Variants in FHDC1 observed in about 807,000 individuals in gnomAD.
FHDC1 encodes the protein FH2 domain containing 1, also known as FH2 domain-containing protein 1.
FHDC1 carries 25 observed loss-of-function variants against 52.6 expected under a neutral mutation model. The observed-to-expected ratio is 0.48, with a 90% CI of 0.35 to 0.66. FHDC1 has a LOEUF of 0.66. Among genes scored for constraint, FHDC1 ranks in the 30% least tolerant of loss-of-function variants. FHDC1 has a pLI of 0.01. For synonymous variants in FHDC1, 616 were observed against 581.5 expected, an observed-to-expected ratio of 1.06 and a Z score of -0.85; for missense variants, 1,459 against 1,452.8, an observed-to-expected ratio of 1.00 and a Z score of -0.07.
chr4:152,945,429 A>G (rs1739701026), intron 2 of FHDC1, among the ~76,000 whole-genome samples: 3 of 152,216 alleles, frequency 2.0e-5, no homozygotes, highest in African/African-American at 7.2e-5. Context: ...GAAATAACAT[A>G]TAAAATTTAG....
At chr4:152,949,157 G>GC (rs1739844657) in intron 2 of FHDC1, among the ~76,000 whole-genome samples, 2 of 150,118 alleles carry the variant, frequency 1.3e-5, no homozygotes, top group African/African-American at 4.9e-5. Context: ...AGAAGAAGAA[G>GC]AAGAAGAAGA....
intron 6 of FHDC1, among the ~76,000 whole-genome samples, chr4:152,961,625 C>T (rs1370236468): frequency 2.6e-5 from 4 of 152,132 alleles, no homozygotes; most frequent in African/African-American, 4.8e-5. Context: ...TTTCAGCATG[C>T]GTCAGTGCCA....
Position 152,974,854 on chromosome 4 carries a change from C to T in FHDC1, c.1563C>T (p.Pro521=). 1 of 1,605,436 alleles carries T rather than the reference C, an allele frequency of 6.2e-7. No individual in the cohort carries two copies. Among genetic ancestry groups the T allele is most frequent in the South Asian group, 1.1e-5 (1 of 90,286 alleles). The stretch of plus-strand genomic sequence containing the variant: ...AGGGCCTGCTCCCTTTCCTGCACCC[C>T]AGGCCCATCAGCCCCTCCAGCCCCT... ...GAEGLLPFLH[P]RPISPSSPSY... is the part of the protein sequence containing the mutation. The change falls in exon 12 of 12, where the codon CCC becomes CCT. Residue 521 remains proline (P), a synonymous_variant. Coordinates refer to ENST00000511601, the MANE Select transcript of FHDC1 (RefSeq NM_001371116.1).
chr4:152,931,543 A>G (rs955563113), upstream of FHDC1, among the ~76,000 whole-genome samples: 1 of 151,632 alleles, frequency 6.6e-6, no homozygotes, highest in Non-Finnish European at 1.5e-5. Flanking sequence ...CTCTAAGGAA[A>G]TACAGTATAG....
At chr4:152,963,219 C>A in intron 8 of FHDC1, 89 bp downstream of exon 8, 3 of 1,172,432 alleles carry the variant, frequency 2.6e-6, no homozygotes, top group South Asian at 1.3e-5. Context: ...TGGTGTCCAG[C>A]AGGGTTAGGA....
intron 2 of FHDC1, among the ~76,000 whole-genome samples, chr4:152,945,792 A>G (rs545532466): frequency 6.6e-6 from 1 of 152,286 alleles, no homozygotes; most frequent in African/African-American, 2.4e-5. Flanking sequence ...CATTAAGTAC[A>G]TCCACATTGT....
At chr4:152,941,949 C>A (rs1469223272) in intron 1 of FHDC1, among the ~76,000 whole-genome samples, 4 of 152,144 alleles carry the variant, frequency 2.6e-5, no homozygotes, top group African/African-American at 9.7e-5. Flanking sequence ...CTTACCTGTT[C>A]TCGTATCTGA....
chr4:152,927,559 T>C, the FHDC1 span: 5 of 1,558,074 alleles, frequency 3.2e-6, no homozygotes, highest in East Asian at 1.1e-4. Context: ...TTCGAAAACC[T>C]GAAGATTCAG....
In FHDC1 at chr4:152,977,179, C is replaced by G. The variant is rs1740925020; in HGVS notation, c.*456C>G. The G allele has an allele frequency of 6.6e-6, 1 of 152,658 alleles. No individual in the cohort carries two copies. The highest frequency in any genetic ancestry group is 2.1e-4 in the South Asian group (1 of 4,848). The allele number at this position is 152,658 out of a possible 1,614,324, so 9.5% of individuals were successfully genotyped here. A position where few individuals can be genotyped will look rare whatever the true frequency, so the allele number is the denominator to read the frequency against. On this transcript the variant is annotated 3_prime_UTR_variant, in exon 12 of 12. Transcript: ENST00000511601. ...GGCTAAGATGAGTGGATTGCTTGAG[C>G]CTAGGAGTTCGAGACCAGCCTAGGC...
chr4:152,911,423 G>T, the FHDC1 span: 1 of 152,348 alleles, frequency 6.6e-6, no homozygotes, highest in Admixed American at 6.5e-5. Context: ...GAAGAAAGAG[G>T]ATTGGAAAGG....
chr4:152,917,926 A>G, the FHDC1 span, among the ~76,000 whole-genome samples: 2 of 152,228 alleles, frequency 1.3e-5, no homozygotes, highest in Non-Finnish European at 2.9e-5. Context: ...TAAAATGAGG[A>G]AAAAAATTCG....
chr4:152,933,142 G>A (rs892480865), upstream of FHDC1, among the ~76,000 whole-genome samples: 2 of 152,278 alleles, frequency 1.3e-5, no homozygotes, highest in East Asian at 3.9e-4. Flanking sequence ...TGGTCACACT[G>A]CCCACTGCTC....
chr4:152,923,228 AG>A, the FHDC1 span, among the ~76,000 whole-genome samples: 2 of 152,196 alleles, frequency 1.3e-5, no homozygotes, highest in Non-Finnish European at 2.9e-5. Context: ...ACAAACAGAG[AG>A]CCAAATCATG....
At chr4:152,914,834 C>T in the FHDC1 span, among the ~76,000 whole-genome samples, 1 of 152,052 alleles carries the variant, frequency 6.6e-6, no homozygotes, top group Non-Finnish European at 1.5e-5. Flanking sequence ...ATATACCTCT[C>T]ACTACATCTT....
rs778852473 is a variant in FHDC1, at chr4:152,975,261, C to T, written c.1970C>T (p.Ser657Leu). The change falls in exon 12 of 12, where the codon TCA (serine) becomes TTA (leucine). Residue 657 changes from serine to leucine, a missense_variant. This residue lies in a region of FHDC1 where 939 missense variants were observed against 854.5 expected (regional missense o/e 1.10). Coordinates refer to ENST00000511601, the MANE Select transcript of FHDC1 (RefSeq NM_001371116.1). ...KRYSEPVSLGSAQSPPLSPLA... is the reference protein window; with the variant it reads ...KRYSEPVSLGLAQSPPLSPLA... ...TACAGTGAGCCGGTGAGCCTGGGCTCAGCACAGTCCCCTCCTCTCTCGCCA... is the reference window on the plus strand; with the variant it reads ...TACAGTGAGCCGGTGAGCCTGGGCTTAGCACAGTCCCCTCCTCTCTCGCCA... 6.2e-7 allele frequency: 1 copy of T among 1,613,514 alleles called. No individual in the cohort carries two copies. Among genetic ancestry groups the T allele is most frequent in the Non-Finnish European group, 8.5e-7 (1 of 1,180,048 alleles).
chr4:152,931,493 C>T (rs2149929054), upstream of FHDC1, among the ~76,000 whole-genome samples: 1 of 147,864 alleles, frequency 6.8e-6, no homozygotes. Context: ...CACACACACA[C>T]ACACACACAC....
chr4:152,951,637 A>G (rs1430074787), intron 2 of FHDC1, among the ~76,000 whole-genome samples: 1 of 152,106 alleles, frequency 6.6e-6, no homozygotes, highest in African/African-American at 2.4e-5. Flanking sequence ...TCAGAAGCAG[A>G]CCCAGAGATC....
chr4:152,944,766 A>G (rs1312244284), intron 2 of FHDC1, among the ~76,000 whole-genome samples: 2 of 152,176 alleles, frequency 1.3e-5, no homozygotes, highest in East Asian at 3.9e-4. Flanking sequence ...CTTCATGAGA[A>G]CCCTTAGTGC....
chr4:152,939,031 ACT>A (rs753711953), intron 1 of FHDC1, among the ~76,000 whole-genome samples: 1 of 151,528 alleles, frequency 6.6e-6, no homozygotes, highest in Non-Finnish European at 1.5e-5. Context: ...AAGCCTATAT[ACT>A]CTTTTTTCTT....
Sources: gnomAD v4.1 joint callset for allele counts (sites outside exome capture counted in the v4.1 genomes callset) on GRCh38, gnomAD v4.1.1 for gene constraint, gnomAD v4.1.1 regional missense constraint, MANE v1.5 for transcripts, NCBI Gene and HGNC (gene_info 2026-07-23, HGNC 2026-07-21) for gene names.